TEP1: variants seen among roughly 807,000 people sequenced by gnomAD.
TEP1 encodes telomerase protein component 1.
In TEP1, 241 loss-of-function variants were observed where a neutral mutation model predicts 306.3. That is an observed-to-expected ratio of 0.79 (90% CI 0.71 to 0.88). The LOEUF is 0.88. Ranked by LOEUF, TEP1 falls within the 40% of genes least tolerant of loss-of-function variation. The pLI is 0.00. For missense variants in TEP1, 3,051 were observed against 3,276.1 expected, an observed-to-expected ratio of 0.93 and a Z score of 1.68; for synonymous variants, 1,289 against 1,305.5, an observed-to-expected ratio of 0.99 and a Z score of 0.27.
intron 35 of TEP1, among the ~76,000 whole-genome samples, chr14:20,379,722 C>T (rs1047397111): frequency 1.3e-5 from 2 of 152,218 alleles, no homozygotes; most frequent in South Asian, 2.1e-4. Flanking sequence ...TTTCTTGCAA[C>T]GCTTAGCACA....
intron 11 of TEP1, 47 bp from the exon 12 acceptor site, chr14:20,395,674 T>C (rs775472660): frequency 4.0e-5 from 62 of 1,568,608 alleles, no homozygotes; most frequent in Non-Finnish European, 5.3e-5. Flanking sequence ...TTCTATTCCC[T>C]CATCTTTTCC....
At chr14:20,397,707 A>G (rs1878318414) in intron 9 of TEP1, among the ~76,000 whole-genome samples, 1 of 151,772 alleles carries the variant, frequency 6.6e-6, no homozygotes, top group Admixed American at 6.6e-5. Context: ...TCACTTCCTT[A>G]TTGTTCCCTT....
Position 20,403,415 on chromosome 14 carries a change from G to A in TEP1, c.1228C>T (p.Pro410Ser). Residue 410 changes from proline to serine, a missense_variant, in exon 7 of 55, where the codon CCA becomes TCA. Coordinates refer to ENST00000262715, the MANE Select transcript of TEP1 (RefSeq NM_007110.5). ...TCTCTGAGAAACCCTATGTACCTTGGAAAACATCTGTGAGAAAATGGAGGC... is the reference window on the plus strand; with the variant it reads ...TCTCTGAGAAACCCTATGTACCTTGAAAAACATCTGTGAGAAAATGGAGGC... Reference protein sequence around the residue: ...MEPPFSHRCFPRYIGFLREEQ... With the variant: ...MEPPFSHRCFSRYIGFLREEQ... 1 of 1,614,146 alleles carries A rather than the reference G, an allele frequency of 6.2e-7. No homozygotes were observed. Among genetic ancestry groups the A allele is most frequent in the Middle Eastern group, 1.6e-4 (1 of 6,062 alleles).
In TEP1 at chr14:20,381,593, C is replaced by T; in HGVS notation, c.4518G>A (p.Lys1506=). ...GTGCCGTGTCCTCTAGCCCTGGCCT[C>T]TTCCCATAGCAACGTTTAGCTGCTG... The part of the protein sequence containing the change: ...LRTAAKRCYG[K]RPGLEDTAHI... The change falls in exon 31 of 55, where the codon AAG becomes AAA. Residue 1506 remains lysine, a synonymous_variant. Transcript: ENST00000262715. This position sits in a 1 kb window ranked among gnomAD's most constrained non-coding sequence, Gnocchi z 4.0. 6.2e-7 allele frequency: 1 copy of T among 1,613,936 alleles called. No homozygotes were observed. Among genetic ancestry groups the T allele is most frequent in the Non-Finnish European group, 8.5e-7 (1 of 1,179,998 alleles).
At chr14:20,390,210 C>T (rs1430801535) in intron 15 of TEP1, among the ~76,000 whole-genome samples, 5 of 151,976 alleles carry the variant, frequency 3.3e-5, no homozygotes, top group African/African-American at 7.3e-5. Flanking sequence ...GCCTGGGCAA[C>T]GGAGTGAGAC....
Position 20,384,602 on chromosome 14 carries a change from G to A in TEP1, c.3219C>T (p.Arg1073=). 6.2e-7 allele frequency: 1 copy of A among 1,614,042 alleles called. No homozygotes were observed. The highest frequency in any genetic ancestry group is 8.5e-7 in the Non-Finnish European group (1 of 1,180,006). Reference sequence around the variant, plus strand: ...GCTCCCTACCTCCCTCAGCTCACCTGCGGCAGGTGATCCCTTTCTGTCTGC... The same window carrying A: ...GCTCCCTACCTCCCTCAGCTCACCTACGGCAGGTGATCCCTTTCTGTCTGC... ...YLSRQKGITC[R]RYPCEWGGVA... is the part of the protein sequence containing the mutation. Residue 1073 remains arginine (R), a splice_region_variant and synonymous_variant, in exon 22 of 55, where the codon CGC becomes CGT. Coordinates refer to ENST00000262715, the MANE Select transcript of TEP1 (RefSeq NM_007110.5).
chr14:20,382,382 T>C, intron 28 of TEP1, 26 bp from the exon 29 acceptor site: 4 of 1,590,240 alleles, frequency 2.5e-6, no homozygotes, highest in Non-Finnish European at 3.4e-6. Flanking sequence ...GACAGCCTTG[T>C]TCAGTGCAGT....
intron 1 of TEP1, among the ~76,000 whole-genome samples, chr14:20,411,631 G>A (rs575825210): frequency 2.0e-5 from 3 of 152,100 alleles, no homozygotes; most frequent in African/African-American, 7.2e-5. Flanking sequence ...GCTGGTCAGC[G>A]GGATTCAGAG....
At chr14:20,399,468 G>T (rs1358068178) in intron 9 of TEP1, among the ~76,000 whole-genome samples, 1 of 151,176 alleles carries the variant, frequency 6.6e-6, no homozygotes, top group Non-Finnish European at 1.5e-5. Context: ...CTTCAAAAAG[G>T]GTTCTGTATA....
chr14:20,384,916 TGAGGA>T, intron 21 of TEP1, 64 bp downstream of exon 21: 2 of 1,607,192 alleles, frequency 1.2e-6, no homozygotes, highest in Non-Finnish European at 1.7e-6. Context: ...CTCTGAATAC[TGAGGA>T]GAGAAGACTG....
chr14:20,379,216 T>C (rs1218484916), intron 35 of TEP1, 111 bp from the exon 36 acceptor site: 3 of 1,402,586 alleles, frequency 2.1e-6, no homozygotes, highest in East Asian at 4.6e-5. Context: ...CCATGAGTCC[T>C]TGGCTCTCTA....
chr14:20,373,555 C>A lies in TEP1; in HGVS notation c.6633G>T (p.Val2211=). 6.2e-7 allele frequency: 1 copy of A among 1,614,198 alleles called. No homozygotes were observed. The highest frequency in any genetic ancestry group is 8.5e-7 in the Non-Finnish European group (1 of 1,180,038). The part of the protein sequence containing the change: ...AAGQPGSELL[V]VTVGLDGATR... The stretch of plus-strand genomic sequence containing the variant: ...TGGCCCCATCTAGCCCGACGGTTAC[C>A]ACCAGAAGCTCTGACCCAGGCTGTC... Residue 2211 remains valine (V), a synonymous_variant, in exon 46 of 55, where the codon GTG becomes GTT. Transcript: ENST00000262715.
chr14:20,377,516 G>T, intron 40 of TEP1, 24 bp from the exon 41 acceptor site: 2 of 1,612,712 alleles, frequency 1.2e-6, no homozygotes, highest in Non-Finnish European at 1.7e-6. Context: ...GAGAACAAGG[G>T]AGTAAGACAC....
At chr14:20,392,905 A>G (rs563040138) in intron 12 of TEP1, among the ~76,000 whole-genome samples, 1 of 152,314 alleles carries the variant, frequency 6.6e-6, no homozygotes, top group East Asian at 1.9e-4. Flanking sequence ...AAAAGAAAAG[A>G]AAAAGAAAAA....
In TEP1 at chr14:20,381,296, G is replaced by T; in HGVS notation, c.4647+17C>A. ...CACTCACTTTGGGAAAGGTGTCTAT[G>T]GGGTCTAGGAACTAACCAGGTGGTA... On this transcript the variant is annotated intron_variant, in intron 32 of 54. Coordinates refer to ENST00000262715, the MANE Select transcript of TEP1 (RefSeq NM_007110.5). This position sits in a 1 kb window ranked among gnomAD's most constrained non-coding sequence, Gnocchi z 4.0. 6.2e-7 allele frequency: 1 copy of T among 1,613,278 alleles called. No individual in the cohort carries two copies. Among genetic ancestry groups the T allele is most frequent in the South Asian group, 1.1e-5 (1 of 91,054 alleles).
At chr14:20,393,077 C>T (rs1452841867) in intron 12 of TEP1, among the ~76,000 whole-genome samples, 7 of 151,942 alleles carry the variant, frequency 4.6e-5, no homozygotes, top group African/African-American at 9.7e-5. Flanking sequence ...ATTAGCCGGG[C>T]GTGGTGGTGG....
intron 1 of TEP1, among the ~76,000 whole-genome samples, chr14:20,409,758 C>T (rs1258237401): frequency 3.3e-5 from 5 of 152,004 alleles, no homozygotes; most frequent in Admixed American, 2.0e-4. Context: ...CGGTGGCTCA[C>T]GCCTGTAATC....
chr14:20,404,333 C>T (rs913166898), intron 5 of TEP1, among the ~76,000 whole-genome samples: 10 of 133,542 alleles, frequency 7.5e-5, no homozygotes, highest in Admixed American at 5.1e-4. Context: ...CCAGCCTGGG[C>T]GACAAGAGTG....
chr14:20,387,909 G>C lies in TEP1; in HGVS notation c.2680C>G (p.Gln894Glu), dbSNP rs1877338702. ...GGCATAGAAACACAGACTGACCCTT[G>C]CTGGGAAACAGGAGCCAAGGGGCTT... ...TPSPLAPVSQQGWRSIRLFIS... is the reference protein window; with the variant it reads ...TPSPLAPVSQEGWRSIRLFIS... The change falls in exon 18 of 55, where the codon CAA becomes GAA. Residue 894 changes from glutamine to glutamate, a missense_variant. Transcript: ENST00000262715. 1 of 1,603,712 alleles carries C rather than the reference G, an allele frequency of 6.2e-7. No individual in the cohort carries two copies. Among genetic ancestry groups the C allele is most frequent in the Non-Finnish European group, 8.5e-7 (1 of 1,176,762 alleles).
Sources: allele counts gnomAD v4.1 joint callset (sites outside exome capture counted in the v4.1 genomes callset), GRCh38; gene constraint gnomAD v4.1.1; non-coding constraint Gnocchi (gnomAD v3.1); transcripts MANE v1.5; gene names NCBI Gene and HGNC (gene_info 2026-07-23, HGNC 2026-07-21).